BFSP2: variants seen among roughly 807,000 people sequenced by gnomAD.
BFSP2 encodes the protein phakinin.
BFSP2 carries 38 observed loss-of-function variants against 44.9 expected under a neutral mutation model. The ratio of observed to expected loss-of-function variants is 0.85; its 90% CI spans 0.65 to 1.11. The LOEUF (loss-of-function observed/expected upper bound fraction) is 1.11. BFSP2 is among the 50% of genes least tolerant of loss of function. BFSP2 has a pLI of 0.00. For missense variants in BFSP2, 525 were observed against 533.0 expected (o/e 0.99, Z 0.15); for synonymous variants, 197 against 209.9 (o/e 0.94, Z 0.53).
intron 1 of BFSP2, among the ~76,000 whole-genome samples, chr3:133,414,981 C>G (rs951497802): frequency 2.9e-5 from 4 of 137,294 alleles, no homozygotes; most frequent in Non-Finnish European, 4.7e-5. Context: ...CCTGCCATCT[C>G]TCCTCTACTC....
chr3:133,467,812 G>A (rs1027964024), intron 5 of BFSP2, among the ~76,000 whole-genome samples: 15 of 152,124 alleles, frequency 9.9e-5, no homozygotes, highest in Non-Finnish European at 1.9e-4. Flanking sequence ...TAATCCTTGT[G>A]CAGCTGAGAT....
At chr3:133,414,489 G>GTC (rs2073489772) in intron 1 of BFSP2, among the ~76,000 whole-genome samples, 1 of 39,056 alleles carries the variant, frequency 2.6e-5, no homozygotes, top group Non-Finnish European at 4.5e-5. Context: ...ACTCACCCCT[G>GTC]CTCTCTCCCC....
chr3:133,473,321 A>G (rs1286487033), intron 6 of BFSP2, among the ~76,000 whole-genome samples: 1 of 151,160 alleles, frequency 6.6e-6, no homozygotes, highest in African/African-American at 2.4e-5. Flanking sequence ...CTAACATACC[A>G]TGACAACATT....
chr3:133,411,380 T>C (rs2073452167), intron 1 of BFSP2, among the ~76,000 whole-genome samples: 1 of 151,686 alleles, frequency 6.6e-6, no homozygotes, highest in African/African-American at 2.4e-5. Flanking sequence ...TAAAGAAAAA[T>C]AATAGAATTA....
intron 1 of BFSP2, among the ~76,000 whole-genome samples, chr3:133,404,101 G>A (rs574403236): frequency 2.6e-5 from 4 of 152,256 alleles, no homozygotes; most frequent in East Asian, 1.9e-4. Context: ...GGAGTGCAGC[G>A]ATGCCATCAG....
chr3:133,474,229 C>G (rs1475787922), intron 6 of BFSP2, among the ~76,000 whole-genome samples: 18 of 152,204 alleles, frequency 1.2e-4, no homozygotes, highest in Admixed American at 1.2e-3. Context: ...GACTCCTTGT[C>G]TGACATATGT....
chr3:133,415,363 TCTACTCA>T (rs1559959748), intron 1 of BFSP2, among the ~76,000 whole-genome samples: 149 of 78,824 alleles, frequency 1.9e-3, no homozygotes, highest in Non-Finnish European at 2.2e-3. Context: ...TACTCACCCC[TCTACTCA>T]ACCCTGCCCT....
At chr3:133,420,535 A>G (rs1030346587) in intron 1 of BFSP2, among the ~76,000 whole-genome samples, 2 of 152,102 alleles carry the variant, frequency 1.3e-5, no homozygotes, top group Non-Finnish European at 2.9e-5. Context: ...TGGTCTGATT[A>G]TTGCTGATAT....
At chr3:133,471,313 A>T (rs1216370954) in intron 5 of BFSP2, among the ~76,000 whole-genome samples, 3 of 152,210 alleles carry the variant, frequency 2.0e-5, no homozygotes, top group Non-Finnish European at 4.4e-5. Flanking sequence ...TGGTGGCTGC[A>T]GAATGTGAAA....
chr3:133,442,417 A>G (rs2073854416), intron 1 of BFSP2, among the ~76,000 whole-genome samples: 2 of 152,118 alleles, frequency 1.3e-5, no homozygotes, highest in Admixed American at 1.3e-4. Context: ...GTCCTCCCAA[A>G]GTGCTGGGCT....
intron 4 of BFSP2, among the ~76,000 whole-genome samples, chr3:133,460,850 T>C (rs976547638): frequency 6.6e-6 from 1 of 152,244 alleles, no homozygotes; most frequent in African/African-American, 2.4e-5. Flanking sequence ...AGTAGAACAA[T>C]GCTCATATAA....
At position 133,418,696 on chromosome 3, in the gene BFSP2, C is replaced by A. The variant is rs144083602; in HGVS notation, c.489+18124C>A. On this transcript the variant is annotated intron_variant, in intron 1 of 6. Transcript: ENST00000302334. Reference sequence around the variant, plus strand: ...CCTGCTCAATCCCACCAGCCAAAGACCACTGAGAACATACCTATGTTTTTC... The same window carrying A: ...CCTGCTCAATCCCACCAGCCAAAGAACACTGAGAACATACCTATGTTTTTC... Among the ~76,000 whole-genome samples, 307 of 152,314 alleles carry A rather than the reference C, an allele frequency of 2.0e-3. 2 individuals carry two copies. Among genetic ancestry groups the A allele is most frequent in the African/African-American group, 7.2e-3 (299 of 41,568 alleles).
At chr3:133,448,670 G>C in intron 3 of BFSP2, 25 bp downstream of exon 3, 1 of 1,611,962 alleles carries the variant, frequency 6.2e-7, no homozygotes, top group Non-Finnish European at 8.5e-7. Flanking sequence ...GGGTTGCTGG[G>C]TTGGCCACAA....
chr3:133,410,568 C>T (rs2073442578), intron 1 of BFSP2: 2 of 278,744 alleles, frequency 7.2e-6, no homozygotes, highest in South Asian at 4.8e-5. Flanking sequence ...CGGGGATTCT[C>T]CCTCTCACGT....
At chr3:133,407,776 G>C (rs1334587269) in intron 1 of BFSP2, among the ~76,000 whole-genome samples, 3 of 152,184 alleles carry the variant, frequency 2.0e-5, no homozygotes, top group Non-Finnish European at 4.4e-5. Flanking sequence ...GAAACCAATA[G>C]AGGGAAGGAT....
chr3:133,418,843 G>A lies in BFSP2; in HGVS notation c.489+18271G>A, dbSNP rs533784464. Among the ~76,000 whole-genome samples the A allele has an allele frequency of 8.9e-4, 136 of 152,288 alleles. 1 individual carries two copies. Among genetic ancestry groups the A allele is most frequent in the South Asian group, 2.1e-3 (10 of 4,828 alleles). The stretch of plus-strand genomic sequence containing the variant: ...TGATATGACCCTTGTGTTGCGTGAC[G>A]TCTGCAAACGTTAACAAGAACTTTC... On this transcript the variant is annotated intron_variant, in intron 1 of 6. Coordinates refer to ENST00000302334, the MANE Select transcript of BFSP2 (RefSeq NM_003571.4).
At chr3:133,453,264 G>A (rs936679827) in intron 4 of BFSP2, among the ~76,000 whole-genome samples, 5 of 152,158 alleles carry the variant, frequency 3.3e-5, no homozygotes, top group African/African-American at 9.7e-5. Flanking sequence ...GTTTCTTGGC[G>A]GCATAGCATA....
chr3:133,431,553 G>C (rs1359512904), intron 1 of BFSP2, among the ~76,000 whole-genome samples: 1 of 152,102 alleles, frequency 6.6e-6, no homozygotes, highest in Non-Finnish European at 1.5e-5. Flanking sequence ...ACTCTGGCCC[G>C]AGGCTCTCTG....
In BFSP2 at chr3:133,448,603, T is replaced by G. The variant is rs779677903; in HGVS notation, c.687T>G (p.Ser229Arg). ...TGGACCTGGAGAGTCAAATAGAAAG[T>G]CTGAAAGAAGAACTTGGCTCTCTAT... Reference protein sequence around the residue: ...TKMDLESQIESLKEELGSLSR... With the variant: ...TKMDLESQIERLKEELGSLSR... The change falls in exon 3 of 7, where the codon AGT (serine) becomes AGG (arginine). Residue 229 changes from serine to arginine, a missense_variant. Transcript: ENST00000302334. 2 of 1,613,978 alleles carry G rather than the reference T, an allele frequency of 1.2e-6. No homozygotes were observed. Among genetic ancestry groups the G allele is most frequent in the Admixed American group, 3.3e-5 (2 of 60,008 alleles).
Sources: allele counts gnomAD v4.1 joint callset (sites outside exome capture counted in the v4.1 genomes callset), GRCh38; gene constraint gnomAD v4.1.1; transcripts MANE v1.5; gene names NCBI Gene and HGNC (gene_info 2026-07-23, HGNC 2026-07-21).